The following SOX5 variants were observed in gnomAD, a reference collection of about 807,000 sequenced individuals.
The protein encoded by SOX5 is transcription factor SOX-5.
SOX5 carries 9 observed loss-of-function variants against 92.0 expected under a neutral mutation model. The ratio of observed to expected loss-of-function variants is 0.10; its 90% CI spans 0.06 to 0.17. The LOEUF is 0.17. SOX5 is among the 10% of genes least tolerant of loss of function. SOX5 has a pLI of 1.00. For synonymous variants in SOX5, 344 were observed against 336.3 expected, an observed-to-expected ratio of 1.02 and a Z score of -0.25; for missense variants, 642 against 944.5, an observed-to-expected ratio of 0.68 and a Z score of 4.20.
At chr12:24,142,160 ACAT>A (rs776667714) in intron 4 of SOX5, among the ~76,000 whole-genome samples, 3 of 152,184 alleles carry the variant, frequency 2.0e-5, no homozygotes, top group Non-Finnish European at 4.4e-5. Flanking sequence ...AGAAACAGAA[ACAT>A]CAAATCCACA....
intron 1 of SOX5, among the ~76,000 whole-genome samples, chr12:24,554,867 G>A (rs1303864167): frequency 1.3e-5 from 2 of 152,166 alleles, no homozygotes; most frequent in African/African-American, 2.4e-5. Flanking sequence ...GTCCAATAAC[G>A]TCTTTTCTCA....
intron 1 of SOX5, among the ~76,000 whole-genome samples, chr12:23,927,014 T>C (rs1295451220): frequency 6.6e-6 from 1 of 152,130 alleles, no homozygotes; most frequent in Non-Finnish European, 1.5e-5. Flanking sequence ...AAAAAGATGA[T>C]CTGCTAATAC....
At chr12:23,534,656 C>A in intron 14 of SOX5, 134 bp from the exon 15 acceptor site, 6 of 618,450 alleles carry the variant, frequency 9.7e-6, no homozygotes, top group Admixed American at 3.1e-5. Flanking sequence ...TAACATTTTT[C>A]AAACTCCATC....
intron 4 of SOX5, among the ~76,000 whole-genome samples, chr12:24,037,508 G>A (rs746508385): frequency 2.6e-5 from 4 of 152,186 alleles, no homozygotes; most frequent in South Asian, 4.1e-4. Context: ...TGCCCATATG[G>A]TGACTTCAAA....
At chr12:24,526,930 C>T (rs1025912487) in intron 1 of SOX5, among the ~76,000 whole-genome samples, 5 of 151,880 alleles carry the variant, frequency 3.3e-5, no homozygotes, top group Non-Finnish European at 7.4e-5. Flanking sequence ...GTGATTATGC[C>T]ACCTCAGCCT....
chr12:23,861,843 T>C (rs1420606163), intron 2 of SOX5, among the ~76,000 whole-genome samples: 1 of 152,154 alleles, frequency 6.6e-6, no homozygotes, highest in Non-Finnish European at 1.5e-5. Flanking sequence ...TATCTATTCA[T>C]TATACTTAGC....
intron 9 of SOX5, among the ~76,000 whole-genome samples, chr12:23,581,295 C>T (rs1293094523): frequency 6.6e-6 from 1 of 152,012 alleles, no homozygotes; most frequent in Non-Finnish European, 1.5e-5. Flanking sequence ...TGGAAATATA[C>T]CCACATGTAG....
chr12:24,212,973 T>C (rs746499149), intron 4 of SOX5, among the ~76,000 whole-genome samples: 4 of 152,126 alleles, frequency 2.6e-5, no homozygotes, highest in Non-Finnish European at 5.9e-5. Flanking sequence ...CAATTACATA[T>C]TTATTAACAT....
chr12:24,149,691 T>C (rs1951464342), intron 4 of SOX5, among the ~76,000 whole-genome samples: 1 of 152,152 alleles, frequency 6.6e-6, no homozygotes, highest in African/African-American at 2.4e-5. Flanking sequence ...TATTCAAGAA[T>C]ATGGCCATAA....
intron 1 of SOX5, among the ~76,000 whole-genome samples, chr12:24,457,516 C>A (rs566833818): frequency 5.7e-4 from 87 of 152,106 alleles, no homozygotes; most frequent in Non-Finnish European, 1.0e-3. Flanking sequence ...ACATTTTTAG[C>A]CTTGTGGGAC....
At chr12:24,553,164 C>T (rs368173220) in intron 1 of SOX5, among the ~76,000 whole-genome samples, 1 of 152,306 alleles carries the variant, frequency 6.6e-6, no homozygotes, top group East Asian at 1.9e-4. Context: ...TCCCATTTTA[C>T]AGAGAGGAAT....
intron 4 of SOX5, among the ~76,000 whole-genome samples, chr12:24,062,813 G>A (rs1203842653): frequency 6.6e-6 from 1 of 152,186 alleles, no homozygotes; most frequent in Non-Finnish European, 1.5e-5. Flanking sequence ...CTTTTATGGA[G>A]TGGCCCTGGG....
intron 3 of SOX5, among the ~76,000 whole-genome samples, chr12:24,257,080 C>T (rs1405946004): frequency 6.6e-6 from 1 of 152,150 alleles, no homozygotes; most frequent in Non-Finnish European, 1.5e-5. Context: ...GTTTGGGTGG[C>T]CTGCTTTGGT....
intron 3 of SOX5, among the ~76,000 whole-genome samples, chr12:24,229,269 G>C (rs149611384): frequency 6.6e-6 from 1 of 152,338 alleles, no homozygotes; most frequent in East Asian, 1.9e-4. Context: ...GGCTAATGTG[G>C]CGGGCCATTT....
In SOX5 at chr12:23,979,700, TTTTTTTG is replaced by T. The variant is rs1592021927; in HGVS notation, c.-1-83683_-1-83677del. Among the ~76,000 whole-genome samples, 30 of 29,240 alleles carry T rather than the reference TTTTTTTG, an allele frequency of 1.0e-3. 4 individuals carry two copies. Among genetic ancestry groups the T allele is most frequent in the East Asian group, 2.6e-3 (3 of 1,152 alleles). The allele number at this position is 29,240 out of a possible 152,430, so 19.2% of individuals were successfully genotyped here. On this transcript the variant is annotated intron_variant, in intron 4 of 4. Coordinates refer to the SOX5 transcript ENST00000446891. ...CTTCCTTCCATATATATATATATGT[TTTTTTTG>T]TTTTTTTTTTTTTTTTTTTTTTTTT...
chr12:24,004,231 G>A (rs543596164), intron 4 of SOX5, among the ~76,000 whole-genome samples: 10 of 150,868 alleles, frequency 6.6e-5, no homozygotes, highest in African/African-American at 2.2e-4. Flanking sequence ...AATCTTCCTG[G>A]TCTTAAAGCA....
At chr12:23,742,633 G>A (rs1007971380) in intron 4 of SOX5, among the ~76,000 whole-genome samples, 1 of 152,050 alleles carries the variant, frequency 6.6e-6, no homozygotes, top group Non-Finnish European at 1.5e-5. Context: ...ATACACACTA[G>A]GAATACCAAT....
At chr12:23,676,900 G>C (rs1566914737) in intron 6 of SOX5, among the ~76,000 whole-genome samples, 1 of 152,138 alleles carries the variant, frequency 6.6e-6, no homozygotes, top group Non-Finnish European at 1.5e-5. Flanking sequence ...GCTGCCTGAA[G>C]AGTAAGGGCA....
chr12:23,818,652 A>C (rs896816204), intron 3 of SOX5, among the ~76,000 whole-genome samples: 7 of 152,332 alleles, frequency 4.6e-5, no homozygotes, highest in African/African-American at 1.7e-4. Context: ...TAAGCTTTTA[A>C]ATTAATTTTA....
Sources: allele counts gnomAD v4.1 joint callset (sites outside exome capture counted in the v4.1 genomes callset), GRCh38; gene constraint gnomAD v4.1.1; transcripts MANE v1.5; gene names NCBI Gene and HGNC (gene_info 2026-07-23, HGNC 2026-07-21).